The following LRRTM3 variants were observed in gnomAD, a reference collection of about 807,000 sequenced individuals.
LRRTM3 encodes the protein leucine-rich repeat transmembrane neuronal protein 3.
LRRTM3 carries 24 observed loss-of-function variants against 44.7 expected under a neutral mutation model. The observed-to-expected ratio is 0.54, with a 90% CI of 0.39 to 0.76. The LOEUF (loss-of-function observed/expected upper bound fraction) is 0.76, where lower values mean the gene tolerates loss of function less well. LRRTM3 is among the 30% of genes least tolerant of loss of function. The pLI is 0.00. For missense variants in LRRTM3, 587 were observed against 702.2 expected, an observed-to-expected ratio of 0.84 and a Z score of 1.85; for synonymous variants, 277 against 278.7, an observed-to-expected ratio of 0.99 and a Z score of 0.06.
chr10:67,060,060 A>AGTCCCAGCACTTTGGG (rs1855672466), intron 2 of LRRTM3, among the ~76,000 whole-genome samples: 1 of 152,154 alleles, frequency 6.6e-6, no homozygotes, highest in East Asian at 1.9e-4. Flanking sequence ...TCACACCTGT[A>AGTCCCAGCACTTTGGG]ATCCCAGCAC....
chr10:67,041,366 A>T (rs1854384814), intron 2 of LRRTM3, among the ~76,000 whole-genome samples: 1 of 152,122 alleles, frequency 6.6e-6, no homozygotes, highest in South Asian at 2.1e-4. Context: ...TAAATAATAG[A>T]GGTTACTTAG....
At chr10:66,982,000 A>G (rs1032052472) in intron 2 of LRRTM3, among the ~76,000 whole-genome samples, 2 of 152,214 alleles carry the variant, frequency 1.3e-5, no homozygotes, top group African/African-American at 4.8e-5. Context: ...GCTCTTGGTG[A>G]CTTTTGACAA....
chr10:67,045,200 G>A (rs2133161815), intron 2 of LRRTM3, among the ~76,000 whole-genome samples: 1 of 152,126 alleles, frequency 6.6e-6, no homozygotes, highest in East Asian at 1.9e-4. Flanking sequence ...GACTTGTAGT[G>A]GTATTCTTAG....
chr10:67,031,422 T>A (rs1387105587), intron 2 of LRRTM3, among the ~76,000 whole-genome samples: 1 of 152,226 alleles, frequency 6.6e-6, no homozygotes, highest in Non-Finnish European at 1.5e-5. Flanking sequence ...CCCTTTCTAC[T>A]ATACATTGTG....
intron 2 of LRRTM3, among the ~76,000 whole-genome samples, chr10:67,052,287 CAGA>C (rs1855147848): frequency 6.7e-6 from 1 of 150,338 alleles, no homozygotes; most frequent in Non-Finnish European, 1.5e-5. Context: ...TGGGATAACA[CAGA>C]AGAATCTTCA....
intron 2 of LRRTM3, among the ~76,000 whole-genome samples, chr10:66,978,536 A>ATAAAATAAAAT (rs1429128054): frequency 1.1e-5 from 1 of 94,404 alleles, no homozygotes; most frequent in African/African-American, 3.9e-5. Context: ...CAAAAAAAAA[A>ATAAAATAAAAT]AAAAAAAAAA....
intron 2 of LRRTM3, among the ~76,000 whole-genome samples, chr10:67,085,436 C>T (rs1857252133): frequency 6.6e-6 from 1 of 151,624 alleles, no homozygotes; most frequent in Non-Finnish European, 1.5e-5. Context: ...ATAGGTAAGA[C>T]ACTGAGAAGA....
intron 2 of LRRTM3, among the ~76,000 whole-genome samples, chr10:67,087,526 T>C (rs1293488957): frequency 6.6e-6 from 1 of 151,638 alleles, no homozygotes; most frequent in Non-Finnish European, 1.5e-5. Context: ...ATAAATATAT[T>C]AAAATAAGTT....
At chr10:66,971,001 A>C (rs1849691238) in intron 2 of LRRTM3, among the ~76,000 whole-genome samples, 2 of 152,114 alleles carry the variant, frequency 1.3e-5, no homozygotes, top group African/African-American at 2.4e-5. Flanking sequence ...CTTTTCATGC[A>C]AGTTTATTTG....
rs1247245575 is a variant in LRRTM3 at position 66,944,843 on chromosome 10, G to C, written c.1536+16391G>C. ...CATGTATATGTCCATCAGAGCTCTTGGGTGACCAGATGCATTATCAGTGAG... is the reference window on the plus strand; with the variant it reads ...CATGTATATGTCCATCAGAGCTCTTCGGTGACCAGATGCATTATCAGTGAG... On this transcript the variant is annotated intron_variant, in intron 2 of 2. Transcript: ENST00000361320. 6.6e-5 allele frequency among the ~76,000 whole-genome samples: 10 copies of C among 152,260 alleles called. No individual in the cohort carries two copies. In the South Asian group the frequency reaches 1.7e-3, roughly 25 times the overall value.
intron 2 of LRRTM3, among the ~76,000 whole-genome samples, chr10:67,091,745 A>T (rs112700237): frequency 6.6e-6 from 1 of 152,036 alleles, no homozygotes; most frequent in African/African-American, 2.4e-5. Flanking sequence ...CTGGCAAATC[A>T]TGGGACATTT....
rs1449406725 is a variant in LRRTM3 at position 66,928,215 on chromosome 10, C to CA, written c.1300dup (p.Ile434AsnfsTer51). ...TGGCGCTTTTCCTGTCCGTGCTCGT[C>CA]ATCCTGCTGGTTATCTACGTGTCAT... On this transcript the variant is annotated frameshift_variant, in exon 2 of 3. Transcript: ENST00000361320. LOFTEE classifies it high-confidence loss of function. 1.9e-6 allele frequency: 3 copies of CA among 1,614,142 alleles called. No individual in the cohort carries two copies. The highest frequency in any genetic ancestry group is 2.5e-6 in the Non-Finnish European group (3 of 1,180,038).
chr10:66,985,948 G>A (rs545254612), intron 2 of LRRTM3, among the ~76,000 whole-genome samples: 7 of 152,102 alleles, frequency 4.6e-5, no homozygotes, highest in Non-Finnish European at 1.0e-4. Context: ...GGATGGTCTC[G>A]ATCTCCTGAC....
chr10:66,941,844 C>G (rs1848012551), intron 2 of LRRTM3, among the ~76,000 whole-genome samples: 1 of 152,142 alleles, frequency 6.6e-6, no homozygotes, highest in Admixed American at 6.5e-5. Context: ...TATATCAGTA[C>G]ATCAGCATAT....
intron 2 of LRRTM3, among the ~76,000 whole-genome samples, chr10:66,988,761 G>T (rs1850871371): frequency 1.3e-5 from 2 of 151,994 alleles, no homozygotes; most frequent in Admixed American, 1.3e-4. Context: ...AAGGAGACAG[G>T]TGCAATTTTT....
chr10:67,092,634 C>T (rs563221617), intron 2 of LRRTM3, among the ~76,000 whole-genome samples: 11 of 152,004 alleles, frequency 7.2e-5, no homozygotes, highest in African/African-American at 2.7e-4. Context: ...AACTTAGAAA[C>T]TTTAAAAAAC....
At chr10:67,032,320 T>C (rs538974650) in intron 2 of LRRTM3, among the ~76,000 whole-genome samples, 2 of 152,282 alleles carry the variant, frequency 1.3e-5, no homozygotes, top group African/African-American at 4.8e-5. Flanking sequence ...GTAACTGACA[T>C]ATGAAAACTA....
intron 2 of LRRTM3, among the ~76,000 whole-genome samples, chr10:67,008,052 C>T (rs991372805): frequency 4.6e-5 from 7 of 151,506 alleles, no homozygotes; most frequent in Non-Finnish European, 8.8e-5. Context: ...AATGAATTTA[C>T]TAAAAAATGA....
intron 2 of LRRTM3, among the ~76,000 whole-genome samples, chr10:66,943,754 G>C (rs777427695): frequency 6.6e-6 from 1 of 152,092 alleles, no homozygotes; most frequent in Non-Finnish European, 1.5e-5. Flanking sequence ...CCACCATAAA[G>C]TGCATATCGC....
Sources: gnomAD v4.1 joint callset for allele counts (sites outside exome capture counted in the v4.1 genomes callset) on GRCh38, gnomAD v4.1.1 for gene constraint, MANE v1.5 for transcripts, NCBI Gene and HGNC (gene_info 2026-07-23, HGNC 2026-07-21) for gene names.